The following COL6A6 variants were observed in gnomAD, a reference collection of about 807,000 sequenced individuals.
The protein encoded by COL6A6 is collagen alpha-6(VI) chain.
A neutral mutation model predicts 208.6 loss-of-function variants in COL6A6; 183 were observed. That is an observed-to-expected ratio of 0.88 (90% CI 0.78 to 0.99). The LOEUF is 0.99. Among genes scored for constraint, COL6A6 ranks in the 50% least tolerant of loss-of-function variants. The pLI is 0.00. For missense variants in COL6A6, 2,816 were observed against 2,815.2 expected (o/e 1.00, Z -0.01); for synonymous variants, 973 against 1,011.8 (o/e 0.96, Z 0.73).
chr3:130,624,732 G>A (rs1212270530), intron 24 of COL6A6, among the ~76,000 whole-genome samples: 4 of 152,090 alleles, frequency 2.6e-5, no homozygotes, highest in African/African-American at 9.7e-5. Context: ...CAAAAGACTT[G>A]GTCAGGGGTC....
At position 130,592,195 on chromosome 3, in the gene COL6A6, AG is replaced by A. The variant is rs967304636; in HGVS notation, c.4273-344del. Among the ~76,000 whole-genome samples, 3 of 3,780 alleles carry A rather than the reference AG, an allele frequency of 7.9e-4. No individual in the cohort carries two copies. The African/African-American group carries it at 0.01, about 13-fold the overall frequency. 2.5% of individuals were successfully genotyped at this position (3,780 alleles called of 152,430 possible). On this transcript the variant is annotated intron_variant, in intron 13 of 36. Transcript: ENST00000358511. ...AACATTACAGATGATGATAAGGTGA[AG>A]GTTTATAGGTAAGTCTTGCAGTCAT...
At chr3:130,527,856 GT>G (rs57568859) in intron 1 of COL6A6, among the ~76,000 whole-genome samples, 6,756 of 117,208 alleles carry the variant, frequency 0.058, 498 homozygotes, top group African/African-American at 0.19. Flanking sequence ...TTTATCTGTT[GT>G]TTCCCATCAA....
chr3:130,660,247 T>C (rs1281146530), intron 34 of COL6A6, among the ~76,000 whole-genome samples: 1 of 152,248 alleles, frequency 6.6e-6, no homozygotes, highest in Admixed American at 6.5e-5. Context: ...GGCAGCCTGC[T>C]GTCCCTGATT....
chr3:130,601,172 T>A (rs1432211786), intron 20 of COL6A6, among the ~76,000 whole-genome samples: 2 of 152,164 alleles, frequency 1.3e-5, no homozygotes, highest in African/African-American at 4.8e-5. Context: ...CCATTCTTTA[T>A]GTAGTTATCC....
chr3:130,543,475 C>T (rs1243052254), intron 1 of COL6A6, among the ~76,000 whole-genome samples: 2 of 152,144 alleles, frequency 1.3e-5, no homozygotes, highest in Admixed American at 1.3e-4. Context: ...TTTATGATTA[C>T]ATTTTCCCTC....
intron 36 of COL6A6, 24 bp downstream of exon 36, chr3:130,665,120 G>C (rs753154330): frequency 2.7e-6 from 4 of 1,505,696 alleles, no homozygotes; most frequent in Non-Finnish European, 2.7e-6. Context: ...GGTGTTACTT[G>C]ATAAATGAGA....
At position 130,665,272 on chromosome 3, in the gene COL6A6, A is replaced by G. The variant is rs1335673155; in HGVS notation, c.6596+176A>G. Among the ~76,000 whole-genome samples the G allele has an allele frequency of 2.6e-5, 4 of 152,234 alleles. No homozygotes were observed. The East Asian group carries it at 7.7e-4, about 29-fold the overall frequency. On this transcript the variant is annotated intron_variant, in intron 36 of 36. Transcript: ENST00000358511. ...CAAGAGATAACTTTTTAAAATGACCATGCTGATCTGAAAAACAAATTGCTT... is the reference window on the plus strand; with the variant it reads ...CAAGAGATAACTTTTTAAAATGACCGTGCTGATCTGAAAAACAAATTGCTT...
Position 130,563,035 on chromosome 3 carries a change from T to G in COL6A6, c.65-33T>G, listed in dbSNP as rs746551014. ...AATATGGCAGTAAATTTTTTAAAGT[T>G]TTTGGTTCGTTCATATGTTTGTGGT... On this transcript the variant is annotated intron_variant, in intron 2 of 36. Transcript: ENST00000358511. The G allele has an allele frequency of 2.7e-6, 4 of 1,496,362 alleles. No homozygotes were observed. In the South Asian group the frequency reaches 5.3e-5, roughly 20 times the overall value. The allele number at this position is 1,496,362 out of a possible 1,614,324, so 92.7% of individuals were successfully genotyped here. A position where few individuals can be genotyped will look rare whatever the true frequency, so the allele number is the denominator to read the frequency against.
Position 130,563,164 on chromosome 3 carries a change from T to A in COL6A6, c.161T>A (p.Ile54Asn), listed in dbSNP as rs745380513. 9 of 1,613,890 alleles carry A rather than the reference T, an allele frequency of 5.6e-6. No individual in the cohort carries two copies. The East Asian group carries it at 1.8e-4, about 32-fold the overall frequency. ...PFVKMFITKMISSLPIEADKY... is the reference protein window; with the variant it reads ...PFVKMFITKMNSSLPIEADKY... ...GTGAAAATGTTCATCACCAAAATGATCAGCAGTCTCCCCATAGAGGCCGAC... is the reference window on the plus strand; with the variant it reads ...GTGAAAATGTTCATCACCAAAATGAACAGCAGTCTCCCCATAGAGGCCGAC... Residue 54 changes from isoleucine to asparagine, a missense_variant, in exon 3 of 37, where the codon ATC becomes AAC. By Grantham distance (149) the Ile-to-Asn change is moderately radical. Transcript: ENST00000358511.
intron 1 of COL6A6, among the ~76,000 whole-genome samples, chr3:130,531,986 A>G (rs934944407): frequency 2.6e-5 from 4 of 152,210 alleles, no homozygotes; most frequent in African/African-American, 9.6e-5. Flanking sequence ...TGTGTTTAGG[A>G]TGAAATATGA....
chr3:130,575,953 C>G (rs1177655418), intron 8 of COL6A6, among the ~76,000 whole-genome samples: 1 of 151,936 alleles, frequency 6.6e-6, no homozygotes, highest in African/African-American at 2.4e-5. Context: ...TTATGCCTTT[C>G]TCAGCCTCTG....
intron 35 of COL6A6, among the ~76,000 whole-genome samples, chr3:130,662,995 G>A (rs1261284672): frequency 6.6e-6 from 1 of 152,138 alleles, no homozygotes; most frequent in African/African-American, 2.4e-5. Context: ...ATATGATTCT[G>A]AAGGGTGAAA....
intron 23 of COL6A6, among the ~76,000 whole-genome samples, chr3:130,615,165 C>T (rs2064480602): frequency 1.3e-5 from 2 of 152,100 alleles, no homozygotes; most frequent in Admixed American, 6.6e-5. Context: ...CAAAGAATTT[C>T]TTGATGTCTG....
intron 5 of COL6A6, 72 bp from the exon 6 acceptor site, chr3:130,567,975 G>A: frequency 8.7e-7 from 1 of 1,147,462 alleles, no homozygotes; most frequent in South Asian, 1.5e-5. Flanking sequence ...TTTGTGTTTT[G>A]GATTTTCCTG....
At chr3:130,556,469 ACTT>A (rs1424916604) in intron 1 of COL6A6, among the ~76,000 whole-genome samples, 3 of 152,156 alleles carry the variant, frequency 2.0e-5, no homozygotes, top group Non-Finnish European at 4.4e-5. Flanking sequence ...CCTGGTGTTT[ACTT>A]TCTGTGAATA....
intron 18 of COL6A6, among the ~76,000 whole-genome samples, chr3:130,596,091 A>G (rs959000763): frequency 2.0e-5 from 3 of 152,154 alleles, no homozygotes; most frequent in African/African-American, 7.2e-5. Flanking sequence ...TTGATGCAAT[A>G]TATATGAACA....
intron 33 of COL6A6, among the ~76,000 whole-genome samples, chr3:130,656,248 G>C (rs566997645): frequency 6.6e-6 from 1 of 152,358 alleles, no homozygotes; most frequent in South Asian, 2.1e-4. Context: ...CCATTCAGTG[G>C]GTCCTGAGTT....
rs373185359 is a variant in COL6A6, at chr3:130,661,870, C to T, written c.6064C>T (p.Pro2022Ser). The T allele has an allele frequency of 2.5e-6, 4 of 1,613,938 alleles. No homozygotes were observed. The highest frequency in any genetic ancestry group is 8.5e-7 in the Non-Finnish European group (1 of 1,179,868). ...LLSHAPPDFL[P>S]NTQKSPVRAE... ...GAGCCATGCTCCCCCCGACTTCCTA[C>T]CCAACACTCAGAAGAGTCCAGTTAG... The change falls in exon 35 of 37, where the codon CCC becomes TCC. Residue 2022 changes from proline to serine, a missense_variant. Coordinates refer to ENST00000358511, the MANE Select transcript of COL6A6 (RefSeq NM_001102608.3).
At chr3:130,655,296 T>G (rs1242863567) in intron 33 of COL6A6, among the ~76,000 whole-genome samples, 1 of 152,112 alleles carries the variant, frequency 6.6e-6, no homozygotes, top group Non-Finnish European at 1.5e-5. Context: ...GAGAATAGGT[T>G]CCAAGATAGA....
Sources: allele counts gnomAD v4.1 joint callset (sites outside exome capture counted in the v4.1 genomes callset), GRCh38; gene constraint gnomAD v4.1.1; transcripts MANE v1.5; gene names NCBI Gene and HGNC (gene_info 2026-07-23, HGNC 2026-07-21).